The following TNRC18 variants were observed in gnomAD, a reference collection of about 807,000 sequenced individuals.
The protein encoded by TNRC18 is trinucleotide repeat containing 18.
TNRC18 carries 69 observed loss-of-function variants against 226.7 expected under a neutral mutation model. That is an observed-to-expected ratio of 0.30 (90% CI 0.25 to 0.37). TNRC18 has a LOEUF of 0.37. TNRC18 is among the 10% of genes least tolerant of loss of function. The probability of loss-of-function intolerance (pLI) is 1.00; values close to 1 mark genes in which losing one functional copy is unlikely to be tolerated. For synonymous variants in TNRC18, 2,449 were observed against 1,927.6 expected (o/e 1.27, Z -7.09); for missense variants, 4,754 against 4,256.6 (o/e 1.12, Z -3.25).
intron 2 of TNRC18, among the ~76,000 whole-genome samples, chr7:5,414,513 C>T (rs1007595278): frequency 1.3e-5 from 2 of 151,516 alleles, no homozygotes; most frequent in Non-Finnish European, 2.9e-5. Context: ...CCCAGGTTCA[C>T]GCCATTCTCC....
At chr7:5,386,271 G>C (rs941584095) in intron 5 of TNRC18, among the ~76,000 whole-genome samples, 1 of 151,456 alleles carries the variant, frequency 6.6e-6, no homozygotes, top group African/African-American at 2.4e-5. Context: ...CTGGGTGACA[G>C]AGCGAGACTC....
In TNRC18 at chr7:5,361,580, G is replaced by A; in HGVS notation, c.4661+14C>T. 6.7e-7 allele frequency: 1 copy of A among 1,499,536 alleles called. No individual in the cohort carries two copies. Among genetic ancestry groups the A allele is most frequent in the South Asian group, 1.3e-5 (1 of 76,986 alleles). The allele number at this position is 1,499,536 out of a possible 1,614,324, so 92.9% of individuals were successfully genotyped here. On this transcript the variant is annotated intron_variant, in intron 14 of 29. Coordinates refer to ENST00000430969, the MANE Select transcript of TNRC18 (RefSeq NM_001080495.3). The stretch of plus-strand genomic sequence containing the variant: ...TGTGTGCCAGTCCCCGACCCACCGA[G>A]GGGCCAGCCTTACTTTCCGCTACTG...
rs377435891 is a variant in TNRC18 at position 5,347,016 on chromosome 7, G to A, written c.5471-1206C>T. Among the ~76,000 whole-genome samples, 18 of 152,066 alleles carry A rather than the reference G, an allele frequency of 1.2e-4. No individual in the cohort carries two copies. The East Asian group carries it at 3.1e-3, about 26-fold the overall frequency. On this transcript the variant is annotated intron_variant, in intron 17 of 29. Transcript: ENST00000430969. ...GGTTAAGCACTCGGGCAGTAGAAGA[G>A]CAGGCTCGAACCCAGAGCTGGCAGA...
chr7:5,383,343 A>G (rs1204088317), intron 5 of TNRC18, among the ~76,000 whole-genome samples: 2 of 152,206 alleles, frequency 1.3e-5, no homozygotes, highest in Non-Finnish European at 2.9e-5. Flanking sequence ...ATGTGAGAAC[A>G]GGAAGACCCA....
chr7:5,404,098 GGCGGTGGACCAT>G (rs1781299178), intron 2 of TNRC18, among the ~76,000 whole-genome samples: 1 of 152,090 alleles, frequency 6.6e-6, no homozygotes, highest in Admixed American at 6.6e-5. Context: ...CAGGGCCGGG[GGCGGTGGACCAT>G]GCCTGTAATC....
chr7:5,399,679 C>A (rs1040323921), intron 2 of TNRC18, among the ~76,000 whole-genome samples: 2 of 151,900 alleles, frequency 1.3e-5, no homozygotes, highest in South Asian at 2.1e-4. Flanking sequence ...GCACTCCAGC[C>A]TGGGCAACAG....
chr7:5,357,060 G>A lies in TNRC18; in HGVS notation c.5050C>T (p.Leu1684Phe), dbSNP rs1189346334. The A allele has an allele frequency of 6.4e-7, 1 of 1,552,186 alleles. No homozygotes were observed. The highest frequency in any genetic ancestry group is 1.4e-5 in the African/African-American group (1 of 73,172). Residue 1684 changes from leucine (L) to phenylalanine (F), a missense_variant, in exon 16 of 30, where the codon CTC becomes TTC. Transcript: ENST00000430969. ...GKNRKALAKG[L>F]GLSLKSSREG... ...CTGGAGGATTTCAGAGACAGGCCGA[G>A]GCCCTTGGCCAGCGCCTTCCTGTTC...
chr7:5,388,314 TGGGCGGG>T lies in TNRC18; in HGVS notation c.1503_1509del (p.Pro503AlafsTer85). The T allele has an allele frequency of 1.1e-6, 1 of 937,360 alleles. No individual in the cohort carries two copies. Among genetic ancestry groups the T allele is most frequent in the Non-Finnish European group, 1.6e-6 (1 of 624,388 alleles). 58.1% of individuals were successfully genotyped at this position (937,360 alleles called of 1,614,324 possible). A position where few individuals can be genotyped will look rare whatever the true frequency, so the allele number is the denominator to read the frequency against. On this transcript the variant is annotated frameshift_variant, in exon 5 of 30. Transcript: ENST00000430969. LOFTEE classifies it high-confidence loss of function. ...GGTTTCCATTTATGCTCAGGGCCGG[TGGGCGGG>T]GGGCGCCCGGGCTCCAGGCCGAAGA...
rs1473489767 is a variant in TNRC18 at position 5,362,824 on chromosome 7, A to C, written c.4221T>G (p.Gly1407=). Reference sequence around the variant, plus strand: ...GCCGCGCCACCAGGGCCCGCTCCGCACCTGTGGACAGGAGGTAGGTAACAG... The same window carrying C: ...GCCGCGCCACCAGGGCCCGCTCCGCCCCTGTGGACAGGAGGTAGGTAACAG... ...ELERRSQEMG[G]AERALVARPS... Residue 1407 remains glycine, a splice_region_variant and synonymous_variant, in exon 12 of 30, where the codon GGT becomes GGG. Coordinates refer to ENST00000430969, the MANE Select transcript of TNRC18 (RefSeq NM_001080495.3). 3 of 1,528,524 alleles carry C rather than the reference A, an allele frequency of 2.0e-6. No homozygotes were observed. The highest frequency in any genetic ancestry group is 2.6e-6 in the Non-Finnish European group (3 of 1,138,552). The allele number at this position is 1,528,524 out of a possible 1,614,324, so 94.7% of individuals were successfully genotyped here.
At position 5,349,898 on chromosome 7, in the gene TNRC18, G is replaced by C. The variant is rs552369921; in HGVS notation, c.5470+1921C>G. Among the ~76,000 whole-genome samples, 28 of 152,246 alleles carry C rather than the reference G, an allele frequency of 1.8e-4. No homozygotes were observed. In the South Asian group the frequency reaches 5.4e-3, roughly 29 times the overall value. ...GTGGTGGACTGGCGGGGGTGGAGGG[G>C]GGCACTGAGGAGCCTGGGCCTCCCC... On this transcript the variant is annotated intron_variant, in intron 17 of 29. Coordinates refer to ENST00000430969, the MANE Select transcript of TNRC18 (RefSeq NM_001080495.3).
At chr7:5,368,803 G>T (rs1047142595) in intron 11 of TNRC18, among the ~76,000 whole-genome samples, 5 of 152,126 alleles carry the variant, frequency 3.3e-5, no homozygotes, top group African/African-American at 1.2e-4. Context: ...CACTGGCAGG[G>T]ATATCATCTC....
At chr7:5,326,889 C>T (rs1417834132) in intron 19 of TNRC18, among the ~76,000 whole-genome samples, 1 of 151,568 alleles carries the variant, frequency 6.6e-6, no homozygotes, top group Non-Finnish European at 1.5e-5. Flanking sequence ...CTTTGGGAGG[C>T]CGAGGCGGGC....
chr7:5,338,926 G>GAAAAA (rs778716584), intron 18 of TNRC18, among the ~76,000 whole-genome samples: 2 of 64,326 alleles, frequency 3.1e-5, no homozygotes, highest in Non-Finnish European at 3.2e-5. Context: ...ATCTCAAAAG[G>GAAAAA]AAAAAAAAAA....
Position 5,387,762 on chromosome 7 carries a change from C to T in TNRC18, c.2062G>A (p.Val688Met). 1 of 1,608,308 alleles carries T rather than the reference C, an allele frequency of 6.2e-7. No individual in the cohort carries two copies. The highest frequency in any genetic ancestry group is 8.5e-7 in the Non-Finnish European group (1 of 1,179,836). ...RHPPVGIAVA[V>M]ARQKDSGGSG... ...CCGCCACTGTCCTTCTGCCGGGCCA[C>T]AGCCACTGCAATGCCCACAGGCGGG... The change falls in exon 5 of 30, where the codon GTG becomes ATG. Residue 688 changes from valine (V) to methionine (M), a missense_variant. By Grantham distance (21) the Val-to-Met change is conservative. Coordinates refer to ENST00000430969, the MANE Select transcript of TNRC18 (RefSeq NM_001080495.3).
At chr7:5,400,062 A>AT (rs71536912) in intron 2 of TNRC18, among the ~76,000 whole-genome samples, 32,289 of 151,698 alleles carry the variant, frequency 0.21, 3,944 homozygotes, top group Middle Eastern at 0.31. Flanking sequence ...GCTCATTTTT[A>AT]TTTTTTCTTT....
At chr7:5,308,812 T>G (rs181054712) in intron 29 of TNRC18, 63 bp downstream of exon 29, 2 of 1,531,460 alleles carry the variant, frequency 1.3e-6, no homozygotes, top group Non-Finnish European at 1.8e-6. Context: ...GGGCCCTGTC[T>G]GAGCTGCCCG....
At chr7:5,327,384 TGTG>T (rs1562497247) in intron 19 of TNRC18, among the ~76,000 whole-genome samples, 1 of 103,992 alleles carries the variant, frequency 9.6e-6, no homozygotes, top group African/African-American at 3.3e-5. Flanking sequence ...TGTGTGTGTG[TGTG>T]TGTGTGTGTG....
chr7:5,398,917 T>C (rs944501033), intron 2 of TNRC18, among the ~76,000 whole-genome samples: 5 of 152,028 alleles, frequency 3.3e-5, no homozygotes, highest in Admixed American at 1.3e-4. Flanking sequence ...AGCCACCCTG[T>C]CCAGCCATAA....
rs1002766618 is a variant in TNRC18, at chr7:5,351,946, G to C, written c.5343C>G (p.Gly1781=). 2 of 1,613,832 alleles carry C rather than the reference G, an allele frequency of 1.2e-6. No individual in the cohort carries two copies. Among genetic ancestry groups the C allele is most frequent in the Middle Eastern group, 3.3e-4 (2 of 6,058 alleles). Residue 1781 remains glycine, a synonymous_variant, in exon 17 of 30, where the codon GGC becomes GGG. Transcript: ENST00000430969. ...GTTTCAGAGTCCGGGGGGCCGCCAG[G>C]CCCCTCTTGGTCAGCTTGGGGCCAC... ...AAGGPKLTKR[G]LAAPRTLKPK... is the part of the protein sequence containing the mutation.
Sources: gnomAD v4.1 joint callset for allele counts (sites outside exome capture counted in the v4.1 genomes callset) on GRCh38, gnomAD v4.1.1 for gene constraint, MANE v1.5 for transcripts, NCBI Gene and HGNC (gene_info 2026-07-23, HGNC 2026-07-21) for gene names.